The following RGS7 variants were observed in gnomAD, a reference collection of about 807,000 sequenced individuals.
RGS7 encodes regulator of G-protein signaling 7.
RGS7 carries 27 observed loss-of-function variants against 81.1 expected under a neutral mutation model. The observed-to-expected ratio is 0.33, with a 90% CI of 0.25 to 0.46. The LOEUF is 0.46. RGS7 is among the 20% of genes least tolerant of loss of function. RGS7 has a pLI of 1.00. For missense variants in RGS7, 396 were observed against 607.4 expected, an observed-to-expected ratio of 0.65 and a Z score of 3.66; for synonymous variants, 208 against 207.7, an observed-to-expected ratio of 1.00 and a Z score of -0.01.
chr1:241,224,972 C>T (rs1035405444), intron 2 of RGS7, among the ~76,000 whole-genome samples: 2 of 151,642 alleles, frequency 1.3e-5, no homozygotes, highest in African/African-American at 4.8e-5. Context: ...GGATAATGTA[C>T]AAGGAAAAAT....
In RGS7 at chr1:240,802,940, G is replaced by A. The variant is rs748233829; in HGVS notation, c.1323C>T (p.Ser441=). ...KSDSYPRFIR[S]SAYQELLQAK... is the part of the protein sequence containing the mutation. Reference sequence around the variant, plus strand: ...CCTGTAGAAGCTCCTGATAGGCACTGGATCTTATAAAACGTGGGTATGAAT... The same window carrying A: ...CCTGTAGAAGCTCCTGATAGGCACTAGATCTTATAAAACGTGGGTATGAAT... Residue 441 remains serine, a synonymous_variant, in exon 16 of 19, where the codon TCC becomes TCT. Transcript: ENST00000440928. 1.2e-6 allele frequency: 2 copies of A among 1,612,608 alleles called. No homozygotes were observed. The highest frequency in any genetic ancestry group is 3.3e-5 in the Admixed American group (2 of 59,972).
intron 9 of RGS7, among the ~76,000 whole-genome samples, chr1:240,857,368 G>A (rs988394446): frequency 2.0e-5 from 3 of 152,018 alleles, no homozygotes; most frequent in Admixed American, 6.6e-5. Flanking sequence ...TTCAGTTGTT[G>A]AGCCAATATT....
chr1:241,001,723 T>C (rs1572205640), intron 3 of RGS7, among the ~76,000 whole-genome samples: 1 of 152,224 alleles, frequency 6.6e-6, no homozygotes, highest in South Asian at 2.1e-4. Context: ...AATGCGACTT[T>C]GTGGAAAAGG....
intron 6 of RGS7, among the ~76,000 whole-genome samples, chr1:240,880,122 G>A (rs1666122414): frequency 6.6e-6 from 1 of 152,182 alleles, no homozygotes; most frequent in African/African-American, 2.4e-5. Context: ...GTTCACCATA[G>A]CCTTGACCTC....
At chr1:240,989,573 A>G (rs923295509) in intron 3 of RGS7, among the ~76,000 whole-genome samples, 3 of 152,012 alleles carry the variant, frequency 2.0e-5, no homozygotes, top group African/African-American at 4.8e-5. Flanking sequence ...CTAAAACCCT[A>G]TTACTGAGAC....
intron 2 of RGS7, among the ~76,000 whole-genome samples, chr1:241,311,351 G>A (rs535753933): frequency 2.0e-5 from 3 of 152,228 alleles, no homozygotes; most frequent in African/African-American, 7.2e-5. Context: ...TAATAAAAAC[G>A]GCAGCACAGT....
Position 240,800,737 on chromosome 1 carries a change from T to C in RGS7, c.1414-16A>G. ...TGTTTCTGCCCTATAAAAATAAATG[T>C]GTTGAAGGCTTTAGTTTGAGCTTAC... On this transcript the variant is annotated splice_polypyrimidine_tract_variant and intron_variant, in intron 17 of 18. Transcript: ENST00000440928. The C allele has an allele frequency of 1.3e-6, 2 of 1,484,366 alleles. No homozygotes were observed. Among genetic ancestry groups the C allele is most frequent in the Non-Finnish European group, 1.8e-6 (2 of 1,089,230 alleles). The allele number at this position is 1,484,366 out of a possible 1,614,324, so 91.9% of individuals were successfully genotyped here. A position where few individuals can be genotyped will look rare whatever the true frequency, so the allele number is the denominator to read the frequency against.
intron 6 of RGS7, among the ~76,000 whole-genome samples, chr1:240,916,337 G>A (rs1475416318): frequency 6.6e-6 from 1 of 151,294 alleles, no homozygotes; most frequent in Non-Finnish European, 1.5e-5. Flanking sequence ...TAAAAACTGT[G>A]GGGGTAATTA....
intron 10 of RGS7, among the ~76,000 whole-genome samples, 155 bp from the exon 11 acceptor site, chr1:240,816,570 A>T (rs3738069): frequency 0.21 from 32,103 of 152,188 alleles, 3,600 homozygotes; most frequent in African/African-American, 0.28. Flanking sequence ...CTAAGATAAA[A>T]ATCAAATGCA....
At chr1:240,816,558 T>G (rs1690835377) in intron 10 of RGS7, 143 bp from the exon 11 acceptor site, 1 of 629,428 alleles carries the variant, frequency 1.6e-6, no homozygotes, top group Non-Finnish European at 2.8e-6. Flanking sequence ...CAAAAGGCAC[T>G]GCTAAGATAA....
intron 4 of RGS7, among the ~76,000 whole-genome samples, chr1:240,937,142 C>T (rs1041942237): frequency 1.3e-5 from 2 of 152,104 alleles, no homozygotes; most frequent in Non-Finnish European, 2.9e-5. Context: ...AGTAGCCAAT[C>T]GGGTCAGTTT....
At chr1:240,800,764 C>T (rs1276527814) in intron 17 of RGS7, 43 bp from the exon 18 acceptor site, 1 of 1,263,404 alleles carries the variant, frequency 7.9e-7, no homozygotes. Context: ...TGAGCTTACA[C>T]AATGTCAGAA....
intron 2 of RGS7, among the ~76,000 whole-genome samples, chr1:241,230,751 G>GT (rs2075612374): frequency 6.6e-6 from 1 of 152,178 alleles, no homozygotes; most frequent in African/African-American, 2.4e-5. Context: ...TCCTAGGACC[G>GT]TGAGTACAGC....
intron 2 of RGS7, among the ~76,000 whole-genome samples, chr1:241,229,944 C>G (rs2075555749): frequency 6.6e-6 from 1 of 152,156 alleles, no homozygotes; most frequent in African/African-American, 2.4e-5. Flanking sequence ...GGATCTGTAA[C>G]AGGAAACAGA....
chr1:240,827,729 T>C (rs1693095286), intron 9 of RGS7, among the ~76,000 whole-genome samples: 1 of 151,912 alleles, frequency 6.6e-6, no homozygotes, highest in South Asian at 2.1e-4. Context: ...CTGGGCGTGG[T>C]GGCGGGTGCC....
chr1:241,118,061 G>T (rs2065993414), intron 2 of RGS7, among the ~76,000 whole-genome samples: 1 of 152,066 alleles, frequency 6.6e-6, no homozygotes, highest in Non-Finnish European at 1.5e-5. Context: ...CAAAACAATA[G>T]CTATTCTTTC....
rs113858089 is a variant in RGS7, at chr1:240,967,696, T to C, written c.226+15383A>G. 1.7e-3 allele frequency among the ~76,000 whole-genome samples: 266 copies of C among 152,136 alleles called. 3 individuals carry two copies. Among genetic ancestry groups the C allele is most frequent in the African/African-American group, 6.2e-3 (256 of 41,506 alleles). Reference sequence around the variant, plus strand: ...CACATATGGGGAGTAGGAAAGACACTGAGTGGGGCTCGTTCCAATGATAAA... The same window carrying C: ...CACATATGGGGAGTAGGAAAGACACCGAGTGGGGCTCGTTCCAATGATAAA... On this transcript the variant is annotated intron_variant, in intron 4 of 18. Transcript: ENST00000440928.
chr1:241,091,516 C>A (rs546019707), intron 3 of RGS7, among the ~76,000 whole-genome samples: 129 of 151,062 alleles, frequency 8.5e-4, no homozygotes, highest in African/African-American at 3.0e-3. Flanking sequence ...CCACTGCACT[C>A]CAGCCTGGGC....
At chr1:241,141,937 G>A (rs180723251) in intron 2 of RGS7, among the ~76,000 whole-genome samples, 10 of 152,350 alleles carry the variant, frequency 6.6e-5, no homozygotes, top group East Asian at 1.9e-4. Flanking sequence ...CCTAGACACC[G>A]TGATGGTACA....
Sources: gnomAD v4.1 joint callset for allele counts (sites outside exome capture counted in the v4.1 genomes callset) on GRCh38, gnomAD v4.1.1 for gene constraint, MANE v1.5 for transcripts, NCBI Gene and HGNC (gene_info 2026-07-23, HGNC 2026-07-21) for gene names.